The following HMCN1 variants were observed in gnomAD, a reference collection of about 807,000 sequenced individuals.
HMCN1 encodes hemicentin-1.
A neutral mutation model predicts 625.9 loss-of-function variants in HMCN1; 321 were observed. That is an observed-to-expected ratio of 0.51 (90% CI 0.47 to 0.56). The LOEUF (loss-of-function observed/expected upper bound fraction) is 0.56. HMCN1 is among the 20% of genes least tolerant of loss of function. The probability of loss-of-function intolerance (pLI) is 0.00; values close to 1 mark genes in which losing one functional copy is unlikely to be tolerated. For synonymous variants in HMCN1, 2,425 were observed against 2,417.6 expected (o/e 1.00, Z -0.09); for missense variants, 6,588 against 6,887.3 (o/e 0.96, Z 1.54).
intron 19 of HMCN1, among the ~76,000 whole-genome samples, chr1:185,986,271 T>G (rs1377102821): frequency 1.3e-5 from 2 of 152,078 alleles, no homozygotes; most frequent in Non-Finnish European, 1.5e-5. Context: ...TGCACTGAGG[T>G]TTCTGGTGTC....
At chr1:186,141,471 A>G (rs1204056442) in intron 89 of HMCN1, among the ~76,000 whole-genome samples, 2 of 152,152 alleles carry the variant, frequency 1.3e-5, no homozygotes, top group African/African-American at 4.8e-5. Context: ...TCCCTGCCCC[A>G]GTTAGTTAGA....
chr1:185,755,095 C>T (rs1557943760), intron 1 of HMCN1, among the ~76,000 whole-genome samples: 1 of 152,070 alleles, frequency 6.6e-6, no homozygotes, highest in Non-Finnish European at 1.5e-5. Flanking sequence ...GTCTAAATTG[C>T]TATTATTCAA....
Position 186,041,873 on chromosome 1 carries a change from CA to C in HMCN1, c.6304+739del, listed in dbSNP as rs1441726031. ...AAGAGTTTCTGTTTAATGCAGAATG[CA>C]AGCCTTCTCCTTAAAGTCCTACCTC... is the stretch of plus-strand genomic sequence containing the variant. On this transcript the variant is annotated intron_variant, in intron 40 of 106. Transcript: ENST00000271588. 2.0e-5 allele frequency among the ~76,000 whole-genome samples: 3 copies of C among 152,130 alleles called. No homozygotes were observed. In the East Asian group the frequency reaches 5.8e-4, roughly 29 times the overall value.
chr1:185,843,160 C>A (rs989369569), intron 1 of HMCN1, among the ~76,000 whole-genome samples: 1 of 152,050 alleles, frequency 6.6e-6, no homozygotes, highest in African/African-American at 2.4e-5. Flanking sequence ...AACTGAATAA[C>A]GTAGGAATGA....
intron 6 of HMCN1, among the ~76,000 whole-genome samples, chr1:185,918,192 C>T (rs977770057): frequency 7.9e-5 from 12 of 152,232 alleles, no homozygotes; most frequent in East Asian, 5.8e-4. Context: ...GTCCAAAACC[C>T]TCAAAAGCAG....
rs74133691 is a variant in HMCN1, at chr1:185,851,184, G to T, written c.339+5088G>T. On this transcript the variant is annotated intron_variant, in intron 2 of 106. Transcript: ENST00000271588. ...CAAACCCTTCTCCAGTTCCCTTTCT[G>T]CCATTTTTAGTAACTCCCACAAAAT... Among the ~76,000 whole-genome samples, 1,067 of 151,970 alleles carry T rather than the reference G, an allele frequency of 7.0e-3. 13 individuals are homozygous for T. The highest frequency in any genetic ancestry group is 0.023 in the African/African-American group (955 of 41,448).
chr1:186,136,181 A>G (rs1649594455), intron 86 of HMCN1, among the ~76,000 whole-genome samples: 1 of 151,992 alleles, frequency 6.6e-6, no homozygotes, highest in Non-Finnish European at 1.5e-5. Context: ...GGCTCAAAAA[A>G]AAAGAATGAG....
At chr1:185,818,459 G>T (rs1659976899) in intron 1 of HMCN1, among the ~76,000 whole-genome samples, 1 of 151,890 alleles carries the variant, frequency 6.6e-6, no homozygotes, top group African/African-American at 2.4e-5. Flanking sequence ...CTCAAAACTT[G>T]GTAGCCTTTC....
At chr1:186,078,029 C>A in intron 54 of HMCN1, 78 bp from the exon 55 acceptor site, 1 of 1,046,346 alleles carries the variant, frequency 9.6e-7, no homozygotes, top group Non-Finnish European at 1.5e-6. Context: ...AGTCATTAGA[C>A]CTGAAAATTT....
intron 11 of HMCN1, among the ~76,000 whole-genome samples, chr1:185,935,675 C>T (rs943688609): frequency 6.6e-6 from 1 of 151,990 alleles, no homozygotes; most frequent in Non-Finnish European, 1.5e-5. Context: ...ATTTTATGGC[C>T]TGTCTAGTTG....
At chr1:186,107,908 A>G (rs925133159) in intron 70 of HMCN1, among the ~76,000 whole-genome samples, 1 of 152,078 alleles carries the variant, frequency 6.6e-6, no homozygotes, top group Admixed American at 6.6e-5. Flanking sequence ...ATGGGGAGGA[A>G]TAATTAAAAA....
At chr1:185,873,650 A>C (rs1193051021) in intron 4 of HMCN1, among the ~76,000 whole-genome samples, 4 of 152,148 alleles carry the variant, frequency 2.6e-5, no homozygotes, top group South Asian at 2.1e-4. Flanking sequence ...TTTTTTGTTA[A>C]AAAGCACCTG....
At position 186,074,730 on chromosome 1, in the gene HMCN1, T is replaced by C. The variant is rs371411934; in HGVS notation, c.8140-11T>C. The C allele has an allele frequency of 7.8e-5, 126 of 1,611,842 alleles. No individual in the cohort carries two copies. The highest frequency in any genetic ancestry group is 9.0e-5 in the East Asian group (4 of 44,678). Reference sequence around the variant, plus strand: ...GCACTTAATGCTAACATTGTTATAATTGAATCACAGCCCCTTAAATCCGAT... The same window carrying C: ...GCACTTAATGCTAACATTGTTATAACTGAATCACAGCCCCTTAAATCCGAT... On this transcript the variant is annotated splice_polypyrimidine_tract_variant and intron_variant, in intron 52 of 106. Transcript: ENST00000271588.
chr1:185,992,729 A>C (rs1347272914), intron 22 of HMCN1, among the ~76,000 whole-genome samples: 1 of 152,160 alleles, frequency 6.6e-6, no homozygotes, highest in Admixed American at 6.5e-5. Flanking sequence ...CTATTTTAAC[A>C]CAATGCAATA....
chr1:186,093,631 C>G lies in HMCN1; in HGVS notation c.10158C>G (p.Ser3386=). The G allele has an allele frequency of 1.2e-6, 2 of 1,613,388 alleles. No individual in the cohort carries two copies. The highest frequency in any genetic ancestry group is 1.7e-6 in the Non-Finnish European group (2 of 1,179,560). The change falls in exon 66 of 107, where the codon TCC becomes TCG. Residue 3386 remains serine (S), a synonymous_variant. Transcript: ENST00000271588. ...AGAATGGACTTCCTCTGCCTCTCTC[C>G]TCCCATATCCGGTTACTGGCAGCAG... is the stretch of plus-strand genomic sequence containing the variant. ...WLKNGLPLPL[S]SHIRLLAAGQ...
At chr1:185,867,102 A>G (rs776535089) in intron 4 of HMCN1, among the ~76,000 whole-genome samples, 1 of 152,230 alleles carries the variant, frequency 6.6e-6, no homozygotes, top group Non-Finnish European at 1.5e-5. Context: ...AAATTTCTAG[A>G]GCAAAGAATC....
At chr1:185,982,119 CAT>C (rs1165654612) in intron 17 of HMCN1, 141 bp from the exon 18 acceptor site, 1 of 827,698 alleles carries the variant, frequency 1.2e-6, no homozygotes, top group Non-Finnish European at 2.1e-6. Flanking sequence ...CTTTCAAAAT[CAT>C]ACCCATTTTC....
intron 1 of HMCN1, among the ~76,000 whole-genome samples, chr1:185,796,720 A>T (rs1658410006): frequency 6.6e-6 from 1 of 152,128 alleles, no homozygotes; most frequent in Non-Finnish European, 1.5e-5. Context: ...ATATACACAC[A>T]CTGCATTTTC....
rs750140043 is a variant in HMCN1, at chr1:185,922,470, T to C, written c.992T>C (p.Phe331Ser). The C allele has an allele frequency of 6.2e-7, 1 of 1,613,584 alleles. No individual in the cohort carries two copies. Among genetic ancestry groups the C allele is most frequent in the African/African-American group, 1.3e-5 (1 of 75,004 alleles). ...TTTTCTCGAAAGCCCACCCTGGACT[T>C]CAAAAAAACAGTCAGCAGACCAGTG... is the stretch of plus-strand genomic sequence containing the variant. Reference protein sequence around the residue: ...AGFSRKPTLDFKKTVSRPVQG... With the variant: ...AGFSRKPTLDSKKTVSRPVQG... The change falls in exon 7 of 107, where the codon TTC becomes TCC. Residue 331 changes from phenylalanine (F) to serine (S), a missense_variant. By Grantham distance (155) the Phe-to-Ser change is radical. Transcript: ENST00000271588.
Sources: allele counts gnomAD v4.1 joint callset (sites outside exome capture counted in the v4.1 genomes callset), GRCh38; gene constraint gnomAD v4.1.1; transcripts MANE v1.5; gene names NCBI Gene and HGNC (gene_info 2026-07-23, HGNC 2026-07-21).